The following ZNF316 variants were observed in gnomAD, a reference collection of about 807,000 sequenced individuals.
The protein encoded by ZNF316 is zinc finger protein 316.
A neutral mutation model predicts 75.6 loss-of-function variants in ZNF316; 23 were observed. The ratio of observed to expected loss-of-function variants is 0.30; its 90% confidence interval spans 0.22 to 0.43. The LOEUF is 0.43. ZNF316 is among the 20% of genes least tolerant of loss of function. The pLI, the probability that ZNF316 is intolerant of heterozygous loss-of-function variation, is 1.00. For synonymous variants in ZNF316, 827 were observed against 666.2 expected, an observed-to-expected ratio of 1.24 and a Z score of -3.72; for missense variants, 1,266 against 1,409.4, an observed-to-expected ratio of 0.90 and a Z score of 1.63.
chr7:6,654,976 T>G lies in ZNF316; in HGVS notation c.*365T>G, dbSNP rs73674152. 0.011 allele frequency: 1,708 copies of G among 158,298 alleles called. 32 individuals carry two copies. The highest frequency in any genetic ancestry group is 0.04 in the African/African-American group (1,655 of 41,730). The allele number at this position is 158,298 out of a possible 1,614,324, so 9.8% of individuals were successfully genotyped here. On this transcript the variant is annotated 3_prime_UTR_variant, in exon 9 of 9. Coordinates refer to ENST00000382252, the MANE Select transcript of ZNF316 (RefSeq NM_001278559.2). ...TGGTCTGGGGAGCAAGGGATTTGTG[T>G]GTTTGCAACCGGGTGTGGCGGCGAG...
In ZNF316 at chr7:6,655,587, C is replaced by T. The variant is rs995495293; in HGVS notation, c.*976C>T. On this transcript the variant is annotated 3_prime_UTR_variant, in exon 9 of 9. Transcript: ENST00000382252. ...CGCCCCGTTCTCGGAGCCCAGCGCT[C>T]ACTTAGAGCGACTGAGGTTGGTCGA... 1.3e-5 allele frequency: 2 copies of T among 152,268 alleles called. No homozygotes were observed. Among genetic ancestry groups the T allele is most frequent in the African/African-American group, 4.8e-5 (2 of 41,460 alleles). 9.4% of individuals were successfully genotyped at this position (152,268 alleles called of 1,614,324 possible).
intron 8 of ZNF316, among the ~76,000 whole-genome samples, chr7:6,651,057 T>G (rs976410323): frequency 6.6e-6 from 1 of 152,086 alleles, no homozygotes; most frequent in Non-Finnish European, 1.5e-5. Context: ...GAGCAAAGCT[T>G]AGAGCTGACA....
At chr7:6,638,804 A>AC (rs1779264087) in intron 2 of ZNF316, among the ~76,000 whole-genome samples, 1 of 151,584 alleles carries the variant, frequency 6.6e-6, no homozygotes. Context: ...TGCTGATGAG[A>AC]CCCCCTGTGG....
Position 6,652,276 on chromosome 7 carries a change from C to T in ZNF316, c.707-27C>T, listed in dbSNP as rs1779520233. 10 of 1,232,150 alleles carry T rather than the reference C, an allele frequency of 8.1e-6. No individual in the cohort carries two copies. The East Asian group carries it at 1.3e-4, about 16-fold the overall frequency. 76.3% of individuals were successfully genotyped at this position (1,232,150 alleles called of 1,614,324 possible). On this transcript the variant is annotated intron_variant, in intron 8 of 8. Coordinates refer to ENST00000382252, the MANE Select transcript of ZNF316 (RefSeq NM_001278559.2). Reference sequence around the variant, plus strand: ...TCCTGTCAAGTTCACTTACCTCTCTCTTCTGGCCTGCCTTTGTCACCTTCA... The same window carrying T: ...TCCTGTCAAGTTCACTTACCTCTCTTTTCTGGCCTGCCTTTGTCACCTTCA...
rs1459734519 is a variant in ZNF316 at position 6,642,502 on chromosome 7, G to A, written c.93G>A (p.Glu31=). 9.1e-6 allele frequency: 11 copies of A among 1,204,308 alleles called. No homozygotes were observed. The highest frequency in any genetic ancestry group is 3.1e-5 in the African/African-American group (2 of 63,858). 74.6% of individuals were successfully genotyped at this position (1,204,308 alleles called of 1,614,324 possible). Residue 31 remains glutamate, a synonymous_variant, in exon 5 of 9, where the codon GAG becomes GAA. Coordinates refer to ENST00000382252, the MANE Select transcript of ZNF316 (RefSeq NM_001278559.2). This position sits in a 1 kb window ranked among gnomAD's most constrained non-coding sequence, Gnocchi z 8.1. ...AGTGCGACCCTGACCAGGAAGAAGAGGAGGAGGAGGAGGAAAAGGGGGAAG... is the reference window on the plus strand; with the variant it reads ...AGTGCGACCCTGACCAGGAAGAAGAAGAGGAGGAGGAGGAAAAGGGGGAAG... ...GSECDPDQEE[E]EEEEEKGEEV...
Position 6,655,290 on chromosome 7 carries a change from A to C in ZNF316, c.*679A>C, listed in dbSNP as rs920482123. The C allele has an allele frequency of 7.1e-6, 1 of 140,536 alleles. No homozygotes were observed. The highest frequency in any genetic ancestry group is 2.5e-5 in the African/African-American group (1 of 40,436). 8.7% of individuals were successfully genotyped at this position (140,536 alleles called of 1,614,324 possible). The stretch of plus-strand genomic sequence containing the variant: ...CCAGATACCAAACTTACGGCCAGGC[A>C]GACGGGTCGCGGGTGTTGACAGGGT... On this transcript the variant is annotated 3_prime_UTR_variant, in exon 9 of 9. Transcript: ENST00000382252.
In ZNF316 at chr7:6,654,562, A is replaced by G. The variant is rs1326143633; in HGVS notation, c.2966A>G (p.Gln989Arg). Residue 989 changes from glutamine to arginine, a missense_variant, in exon 9 of 9, where the codon CAG (glutamine) becomes CGG (arginine). By Grantham distance (43) the Gln-to-Arg change is conservative. This residue lies in a region of ZNF316 where 111 missense variants were observed against 99.2 expected (regional missense o/e 1.12). Coordinates refer to ENST00000382252, the MANE Select transcript of ZNF316 (RefSeq NM_001278559.2). ...GGCACAAGCTTCGGCTCCGAGCACC[A>G]GGCCGCGTTCGCCGGGCCCTCGGGC... ...AGGTSFGSEH[Q>R]AAFAGPSGAY... The G allele has an allele frequency of 6.7e-6, 8 of 1,187,576 alleles. No homozygotes were observed. Among genetic ancestry groups the G allele is most frequent in the Non-Finnish European group, 7.3e-6 (7 of 959,634 alleles). 73.6% of individuals were successfully genotyped at this position (1,187,576 alleles called of 1,614,324 possible).
rs1382521167 is a variant in ZNF316, at chr7:6,653,624, G to C, written c.2028G>C (p.Leu676=). 5.0e-5 allele frequency: 53 copies of C among 1,061,716 alleles called. No homozygotes were observed. The highest frequency in any genetic ancestry group is 5.7e-5 in the Non-Finnish European group (50 of 877,894). The allele number at this position is 1,061,716 out of a possible 1,614,324, so 65.8% of individuals were successfully genotyped here. A position where few individuals can be genotyped will look rare whatever the true frequency, so the allele number is the denominator to read the frequency against. ...TCGGGCCCGCCATCGGGGGTCTGCTGGCGGAGCCCGCGCCGGCCGCGCTGG... is the reference window on the plus strand; with the variant it reads ...TCGGGCCCGCCATCGGGGGTCTGCTCGCGGAGCCCGCGCCGGCCGCGCTGG... ...RAFGPAIGGL[L]AEPAPAALAE... The change falls in exon 9 of 9, where the codon CTG becomes CTC. Residue 676 remains leucine, a synonymous_variant. Coordinates refer to ENST00000382252, the MANE Select transcript of ZNF316 (RefSeq NM_001278559.2).
At chr7:6,647,126 C>T (rs546385369) in intron 8 of ZNF316, among the ~76,000 whole-genome samples, 17 of 152,326 alleles carry the variant, frequency 1.1e-4, no homozygotes, top group Non-Finnish European at 2.1e-4. Flanking sequence ...GCCTGGCGGG[C>T]CAGCCCTGTA....
In ZNF316 at chr7:6,640,240, C is replaced by G. The variant is rs767870008; in HGVS notation, c.-167+1099C>G. On this transcript the variant is annotated intron_variant, in intron 3 of 8. Coordinates refer to ENST00000382252, the MANE Select transcript of ZNF316 (RefSeq NM_001278559.2). The surrounding 1 kb of genome is among the most constrained non-coding windows in gnomAD (Gnocchi z 5.1). ...GTTTGTCCAGGTGTCAGGCTGTTCT[C>G]GCATTGCTGTAAAGAAATACCTGAG... Among the ~76,000 whole-genome samples, 1 of 152,070 alleles carries G rather than the reference C, an allele frequency of 6.6e-6. No homozygotes were observed. Among genetic ancestry groups the G allele is most frequent in the African/African-American group, 2.4e-5 (1 of 41,380 alleles).
Position 6,642,426 on chromosome 7 carries a change from C to G in ZNF316, c.17C>G (p.Thr6Arg). The change falls in exon 5 of 9, where the codon ACG becomes AGG. Residue 6 changes from threonine to arginine, a missense_variant. Physicochemically the swap from Thr to Arg is moderately conservative, Grantham distance 71. This residue lies in a region of ZNF316 where 961 missense variants were observed against 990.9 expected (regional missense o/e 0.97). Coordinates refer to ENST00000382252, the MANE Select transcript of ZNF316 (RefSeq NM_001278559.2). This position sits in a 1 kb window ranked among gnomAD's most constrained non-coding sequence, Gnocchi z 8.1. MAALH[T>R]TPDSPAAQLE... ...CCAGGGAGGATGGCGGCGCTCCACA[C>G]GACTCCCGACTCCCCAGCTGCCCAG... 1 of 1,232,188 alleles carries G rather than the reference C, an allele frequency of 8.1e-7. No individual in the cohort carries two copies. The highest frequency in any genetic ancestry group is 1.0e-6 in the Non-Finnish European group (1 of 988,050). The allele number at this position is 1,232,188 out of a possible 1,614,324, so 76.3% of individuals were successfully genotyped here. A position where few individuals can be genotyped will look rare whatever the true frequency, so the allele number is the denominator to read the frequency against.
At position 6,648,102 on chromosome 7, in the gene ZNF316, C is replaced by T. The variant is rs2464874; in HGVS notation, c.706+3509C>T. On this transcript the variant is annotated intron_variant, in intron 8 of 8. Coordinates refer to ENST00000382252, the MANE Select transcript of ZNF316 (RefSeq NM_001278559.2). ...GTTGGTGGGATTCTGGGTAAATGCC[C>T]GGCTTTGGTGATGCCGACGAGCACC... Among the ~76,000 whole-genome samples the T allele has an allele frequency of 0.027, 4,079 of 152,244 alleles. 432 individuals carry two copies. The East Asian group carries it at 0.33, about 12-fold the overall frequency.
intron 8 of ZNF316, 77 bp downstream of exon 8, chr7:6,644,670 T>C (rs1779368987): frequency 1.0e-5 from 8 of 768,362 alleles, no homozygotes; most frequent in Middle Eastern, 8.8e-4. Flanking sequence ...TTCACTGCGC[T>C]CTCTGCAGAC....
At position 6,640,227 on chromosome 7, in the gene ZNF316, G is replaced by A. The variant is rs921296525; in HGVS notation, c.-167+1086G>A. Among the ~76,000 whole-genome samples the A allele has an allele frequency of 3.3e-5, 5 of 152,174 alleles. No individual in the cohort carries two copies. Among genetic ancestry groups the A allele is most frequent in the Non-Finnish European group, 4.4e-5 (3 of 68,040 alleles). ...CTATGGTTTGGGTGTTTGTCCAGGTGTCAGGCTGTTCTCGCATTGCTGTAA... is the reference window on the plus strand; with the variant it reads ...CTATGGTTTGGGTGTTTGTCCAGGTATCAGGCTGTTCTCGCATTGCTGTAA... On this transcript the variant is annotated intron_variant, in intron 3 of 8. Transcript: ENST00000382252. The surrounding 1 kb of genome is among the most constrained non-coding windows in gnomAD (Gnocchi z 5.1).
rs1779533494 is a variant in ZNF316 at position 6,652,756 on chromosome 7, A to G, written c.1160A>G (p.His387Arg). Residue 387 changes from histidine to arginine, a missense_variant, in exon 9 of 9, where the codon CAC becomes CGC. Coordinates refer to ENST00000382252, the MANE Select transcript of ZNF316 (RefSeq NM_001278559.2). Reference protein sequence around the residue: ...ECGKGFVYRSHLAIHQRTHTG... With the variant: ...ECGKGFVYRSRLAIHQRTHTG... ...GGCAAGGGCTTCGTGTACCGCTCGC[A>G]CTTGGCCATCCACCAGCGCACGCAC... The G allele has an allele frequency of 7.9e-7, 1 of 1,264,288 alleles. No individual in the cohort carries two copies. The highest frequency in any genetic ancestry group is 1.0e-6 in the Non-Finnish European group (1 of 1,004,418). The allele number at this position is 1,264,288 out of a possible 1,614,324, so 78.3% of individuals were successfully genotyped here.
At position 6,654,789 on chromosome 7, in the gene ZNF316, C is replaced by T. The variant is rs915349540; in HGVS notation, c.*178C>T. 1.1e-5 allele frequency: 5 copies of T among 474,324 alleles called. No homozygotes were observed. Among genetic ancestry groups the T allele is most frequent in the African/African-American group, 6.3e-5 (3 of 47,678 alleles). The allele number at this position is 474,324 out of a possible 1,614,324, so 29.4% of individuals were successfully genotyped here. A position where few individuals can be genotyped will look rare whatever the true frequency, so the allele number is the denominator to read the frequency against. ...TGCCCGCCGGGTCCGTGTGCTCAGC[C>T]GGAGACGTGGGGGAGCTCTGGGGAG... On this transcript the variant is annotated 3_prime_UTR_variant, in exon 9 of 9. Transcript: ENST00000382252.
chr7:6,644,224 G>A (rs1229622581), intron 7 of ZNF316, among the ~76,000 whole-genome samples: 1 of 152,126 alleles, frequency 6.6e-6, no homozygotes, highest in Non-Finnish European at 1.5e-5. Flanking sequence ...GGGGTGAGGC[G>A]GAAGGCGAGG....
At position 6,652,560 on chromosome 7, in the gene ZNF316, C is replaced by T; in HGVS notation, c.964C>T (p.Pro322Ser). 1.6e-5 allele frequency: 20 copies of T among 1,230,984 alleles called. No homozygotes were observed. The highest frequency in any genetic ancestry group is 2.0e-5 in the Non-Finnish European group (20 of 987,394). 76.3% of individuals were successfully genotyped at this position (1,230,984 alleles called of 1,614,324 possible). A position where few individuals can be genotyped will look rare whatever the true frequency, so the allele number is the denominator to read the frequency against. ...EAKPFLPGRE[P>S]GANLLSPWAF... ...GAAGCCTTTCCTGCCCGGCCGGGAG[C>T]CGGGTGCGAACCTGCTGTCGCCCTG... Residue 322 changes from proline to serine, a missense_variant, in exon 9 of 9, where the codon CCG becomes TCG. Physicochemically the swap from Pro to Ser is moderately conservative, Grantham distance 74 (BLOSUM62 -1). Around this residue, in one of 3 missense-constraint regions of ZNF316, gnomAD observed 961 missense variants for 990.9 expected, o/e 0.97. Coordinates refer to ENST00000382252, the MANE Select transcript of ZNF316 (RefSeq NM_001278559.2).
chr7:6,643,599 C>T (rs1779349237), intron 6 of ZNF316, among the ~76,000 whole-genome samples: 1 of 152,292 alleles, frequency 6.6e-6, no homozygotes, highest in African/African-American at 2.4e-5. Flanking sequence ...ACAGCTCTGC[C>T]CTACGAGCTG....
Sources: gnomAD v4.1 joint callset for allele counts (sites outside exome capture counted in the v4.1 genomes callset) on GRCh38, gnomAD v4.1.1 for gene constraint, gnomAD v4.1.1 regional missense constraint, Gnocchi (gnomAD v3.1) non-coding constraint, MANE v1.5 for transcripts, NCBI Gene and HGNC (gene_info 2026-07-23, HGNC 2026-07-21) for gene names.